Variants in OSGIN1 observed in about 807,000 individuals in gnomAD.
The protein encoded by OSGIN1 is oxidative stress-induced growth inhibitor 1.
Under a neutral mutation model 20.1 loss-of-function variants are expected in OSGIN1, and 19 were observed. That is an observed-to-expected ratio of 0.95 (90% CI 0.66 to 1.39). The LOEUF (loss-of-function observed/expected upper bound fraction) is 1.39, where lower values mean the gene tolerates loss of function less well. OSGIN1 is among the 40% of genes most tolerant of loss of function. The pLI is 0.00. For missense variants in OSGIN1, 820 were observed against 653.0 expected, an observed-to-expected ratio of 1.26 and a Z score of -2.79; for synonymous variants, 368 against 297.8, an observed-to-expected ratio of 1.24 and a Z score of -2.43.
At chr16:83,963,322 G>A (rs891943497) in intron 5 of OSGIN1, among the ~76,000 whole-genome samples, 4 of 152,146 alleles carry the variant, frequency 2.6e-5, no homozygotes, top group South Asian at 2.1e-4. Flanking sequence ...AAGTCACAGC[G>A]TTCAAAACCA....
chr16:83,960,835 G>T, intron 4 of OSGIN1, 75 bp downstream of exon 4: 1 of 1,527,530 alleles, frequency 6.5e-7, no homozygotes, highest in African/African-American at 1.4e-5. Context: ...TGGGACTCTG[G>T]CATCTCCCTT....
At chr16:83,955,651 C>T (rs888742880) in intron 1 of OSGIN1, among the ~76,000 whole-genome samples, 6 of 152,226 alleles carry the variant, frequency 3.9e-5, no homozygotes, top group Admixed American at 6.5e-5. Context: ...CAGCCCACTC[C>T]ACAGAAGTAT....
At position 83,961,043 on chromosome 16, in the gene OSGIN1, G is replaced by C; in HGVS notation, c.459G>C (p.Glu153Asp). 1 of 1,613,570 alleles carries C rather than the reference G, an allele frequency of 6.2e-7. No homozygotes were observed. The highest frequency in any genetic ancestry group is 1.1e-5 in the South Asian group (1 of 91,078). The change falls in exon 5 of 6, where the codon GAG (glutamate) becomes GAC (aspartate). Residue 153 changes from glutamate (E) to aspartate (D), a missense_variant. Coordinates refer to ENST00000393306, the MANE Select transcript of OSGIN1 (RefSeq NM_182981.3). ...AGTGGATGGGGCTCCCGGACCTGGAGGTCAAGGACTGGATGCAGAAGAAGC... is the reference window on the plus strand; with the variant it reads ...AGTGGATGGGGCTCCCGGACCTGGACGTCAAGGACTGGATGCAGAAGAAGC... ...QGQWMGLPDL[E>D]VKDWMQKKRR...
At chr16:83,960,407 A>G (rs1909147066) in intron 3 of OSGIN1, among the ~76,000 whole-genome samples, 162 bp from the exon 4 acceptor site, 1 of 152,182 alleles carries the variant, frequency 6.6e-6, no homozygotes, top group African/African-American at 2.4e-5. Context: ...AAGACCTCAA[A>G]ACGAGAGCTT....
At position 83,957,754 on chromosome 16, in the gene OSGIN1, C is replaced by G. The variant is rs1027590946; in HGVS notation, c.67+16C>G. The G allele has an allele frequency of 6.6e-7, 1 of 1,515,490 alleles. No individual in the cohort carries two copies. The highest frequency in any genetic ancestry group is 1.4e-5 in the African/African-American group (1 of 72,248). The allele number at this position is 1,515,490 out of a possible 1,614,324, so 93.9% of individuals were successfully genotyped here. On this transcript the variant is annotated intron_variant, in intron 2 of 5. Transcript: ENST00000393306. The stretch of plus-strand genomic sequence containing the variant: ...ATCATTGTGGGTGAGTGTCAGGCCC[C>G]AGCCAGGGAGGGGCTCCGCTGAGCC...
At chr16:83,963,108 A>G (rs947749730) in intron 5 of OSGIN1, among the ~76,000 whole-genome samples, 2 of 152,122 alleles carry the variant, frequency 1.3e-5, no homozygotes, top group Non-Finnish European at 2.9e-5. Context: ...CTGTGTCCCC[A>G]ACGGCAGGCA....
intron 1 of OSGIN1, among the ~76,000 whole-genome samples, chr16:83,955,300 C>A (rs1307827874): frequency 6.6e-6 from 1 of 152,162 alleles, no homozygotes; most frequent in East Asian, 1.9e-4. Flanking sequence ...GAAATGATCC[C>A]TTCCCAGCCA....
chr16:83,953,418 A>G, intron 1 of OSGIN1, 48 bp downstream of exon 1: 1 of 1,283,366 alleles, frequency 7.8e-7, no homozygotes, highest in South Asian at 1.2e-5. Context: ...GGCACATCCC[A>G]GGCACCCGTG....
chr16:83,960,845 T>G, intron 4 of OSGIN1, 85 bp downstream of exon 4: 3 of 1,505,828 alleles, frequency 2.0e-6, no homozygotes, highest in Non-Finnish European at 2.7e-6. Flanking sequence ...GCATCTCCCT[T>G]TCCTCATTCT....
intron 5 of OSGIN1, among the ~76,000 whole-genome samples, 166 bp from the exon 6 acceptor site, chr16:83,964,896 A>G (rs1417020749): frequency 6.6e-6 from 1 of 152,114 alleles, no homozygotes; most frequent in Admixed American, 6.5e-5. Context: ...TCCATTTTAC[A>G]GAAGAGGAGA....
In OSGIN1 at chr16:83,957,636, C is replaced by G. The variant is rs1908995870; in HGVS notation, c.-32-4C>G. On this transcript the variant is annotated splice_polypyrimidine_tract_variant and splice_region_variant and intron_variant, in intron 1 of 5. Transcript: ENST00000393306. ...ACTCTTCCTTCCCCTCTCCCCCACTCCAGGTCCGCTGCCAGCCCCAAGCCC... is the reference window on the plus strand; with the variant it reads ...ACTCTTCCTTCCCCTCTCCCCCACTGCAGGTCCGCTGCCAGCCCCAAGCCC... 2 of 1,523,330 alleles carry G rather than the reference C, an allele frequency of 1.3e-6. No individual in the cohort carries two copies. The highest frequency in any genetic ancestry group is 1.8e-6 in the Non-Finnish European group (2 of 1,110,820). The allele number at this position is 1,523,330 out of a possible 1,614,324, so 94.4% of individuals were successfully genotyped here. A position where few individuals can be genotyped will look rare whatever the true frequency, so the allele number is the denominator to read the frequency against.
At chr16:83,962,685 A>G (rs748180919) in intron 5 of OSGIN1, among the ~76,000 whole-genome samples, 1 of 152,242 alleles carries the variant, frequency 6.6e-6, no homozygotes, top group Non-Finnish European at 1.5e-5. Flanking sequence ...ACTATATGTA[A>G]GATGGACATT....
chr16:83,965,933 G>A lies in OSGIN1; in HGVS notation c.1360G>A (p.Val454Met). Residue 454 changes from valine to methionine, a missense_variant, in exon 6 of 6, where the codon GTG becomes ATG. By Grantham distance (21) the Val-to-Met change is conservative. Coordinates refer to ENST00000393306, the MANE Select transcript of OSGIN1 (RefSeq NM_182981.3). ...GGGGCCGCTGGCCGGGGACAACTTC[G>A]TGAGGTTTGTGCAGGGGGGCGCCTT... is the stretch of plus-strand genomic sequence containing the variant. Reference protein sequence around the residue: ...AMGPLAGDNFVRFVQGGALAV... With the variant: ...AMGPLAGDNFMRFVQGGALAV... The A allele has an allele frequency of 1.2e-6, 2 of 1,612,348 alleles. No homozygotes were observed. The highest frequency in any genetic ancestry group is 1.7e-6 in the Non-Finnish European group (2 of 1,179,820).
In OSGIN1 at chr16:83,960,567, A is replaced by G. The variant is rs1471459531; in HGVS notation, c.205-2A>G. ...GCCCCTCTGACCTATGCCCCCCTCC[A>G]GGACCTGGACTACCTGTCCGAAGGC... On this transcript the variant is annotated splice_acceptor_variant, in intron 3 of 5. Coordinates refer to ENST00000393306, the MANE Select transcript of OSGIN1 (RefSeq NM_182981.3). LOFTEE classifies it high-confidence loss of function. The G allele has an allele frequency of 1.9e-6, 3 of 1,612,076 alleles. No individual in the cohort carries two copies. Among genetic ancestry groups the G allele is most frequent in the Non-Finnish European group, 1.7e-6 (2 of 1,179,366 alleles).
chr16:83,960,918 C>A, intron 4 of OSGIN1, 63 bp from the exon 5 acceptor site: 2 of 1,556,172 alleles, frequency 1.3e-6, no homozygotes, highest in Non-Finnish European at 1.8e-6. Flanking sequence ...CCTCCCATGC[C>A]CTCTAGCCCC....
At chr16:83,957,272 A>G (rs1908974812) in intron 1 of OSGIN1, among the ~76,000 whole-genome samples, 1 of 152,178 alleles carries the variant, frequency 6.6e-6, no homozygotes, top group Non-Finnish European at 1.5e-5. Flanking sequence ...AGGGTCTGGC[A>G]GGGCTGGTTC....
intron 1 of OSGIN1, among the ~76,000 whole-genome samples, chr16:83,953,754 C>T (rs1411147193): frequency 6.6e-6 from 1 of 152,118 alleles, no homozygotes; most frequent in Non-Finnish European, 1.5e-5. Flanking sequence ...TTCTGGGTTT[C>T]TGCTTCTCCT....
chr16:83,953,735 C>G (rs1360291405), intron 1 of OSGIN1, among the ~76,000 whole-genome samples: 1 of 152,100 alleles, frequency 6.6e-6, no homozygotes, highest in Non-Finnish European at 1.5e-5. Flanking sequence ...GGCAGCCAGG[C>G]TGGGTGCCTT....
At chr16:83,964,592 A>G (rs1033966236) in intron 5 of OSGIN1, among the ~76,000 whole-genome samples, 1 of 152,148 alleles carries the variant, frequency 6.6e-6, no homozygotes, top group Non-Finnish European at 1.5e-5. Flanking sequence ...TGAGGTGACA[A>G]TCATGGTGGC....
Sources: allele counts gnomAD v4.1 joint callset (sites outside exome capture counted in the v4.1 genomes callset), GRCh38; gene constraint gnomAD v4.1.1; transcripts MANE v1.5; gene names NCBI Gene and HGNC (gene_info 2026-07-23, HGNC 2026-07-21).